Variants in FN1 observed in about 807,000 individuals in gnomAD.
The protein encoded by FN1 is fibronectin.
In FN1, 106 loss-of-function variants were observed where a neutral mutation model predicts 297.3. The observed-to-expected ratio is 0.36, with a 90% CI of 0.30 to 0.42. FN1 has a LOEUF of 0.42. Ranked by LOEUF, FN1 falls within the 10% of genes least tolerant of loss-of-function variation. The probability of loss-of-function intolerance (pLI) is 1.00; values close to 1 mark genes in which losing one functional copy is unlikely to be tolerated. For synonymous variants in FN1, 1,149 were observed against 1,152.6 expected (o/e 1.00, Z 0.06); for missense variants, 2,690 against 3,124.9 (o/e 0.86, Z 3.32).
In FN1 at chr2:215,393,214, A is replaced by G; in HGVS notation, c.3797-11T>C. On this transcript the variant is annotated splice_polypyrimidine_tract_variant and intron_variant, in intron 24 of 45. Transcript: ENST00000354785. ...TGAGTTGGGGCACCTCTATTGAGTT[A>G]CAAAGCAAAGGGAGGGGGAGGCAAA... 6.2e-7 allele frequency: 1 copy of G among 1,610,384 alleles called. No individual in the cohort carries two copies. The highest frequency in any genetic ancestry group is 2.2e-5 in the East Asian group (1 of 44,826).
chr2:215,404,452 C>T lies in FN1; in HGVS notation c.3190G>A (p.Val1064Ile), dbSNP rs142401055. Residue 1064 changes from valine (V) to isoleucine (I), a missense_variant, in exon 20 of 46, where the codon GTA (valine) becomes ATA (isoleucine). Physicochemically the swap from Val to Ile is conservative, Grantham distance 29. Coordinates refer to ENST00000354785, the MANE Select transcript of FN1 (RefSeq NM_212482.4). ...RNLQPASEYTVSLVAIKGNQE... is the reference protein window; with the variant it reads ...RNLQPASEYTISLVAIKGNQE... ...TTGCCCTTTATGGCCACGAGGGATA[C>T]GGTGTACTCAGATGCAGGCTGCAGA... 7.5e-4 allele frequency: 1,213 copies of T among 1,613,910 alleles called. 1 individual carries two copies. The highest frequency in any genetic ancestry group is 1.0e-3 in the Non-Finnish European group (1,177 of 1,179,958).
chr2:215,364,619 G>T, intron 44 of FN1: 1 of 552,864 alleles, frequency 1.8e-6, no homozygotes, highest in South Asian at 2.1e-5. Flanking sequence ...TATTAAGAAT[G>T]ACTCAAGACT....
At chr2:215,434,427 A>T (rs751938608) in intron 2 of FN1, among the ~76,000 whole-genome samples, 1 of 152,212 alleles carries the variant, frequency 6.6e-6, no homozygotes, top group Non-Finnish European at 1.5e-5. Flanking sequence ...GTCGGAGGAC[A>T]CACAAAATCT....
Position 215,395,937 on chromosome 2 carries a change from C to CA in FN1, c.3604+1199dup, listed in dbSNP as rs2060260210. On this transcript the variant is annotated intron_variant, in intron 23 of 45. Transcript: ENST00000354785. The stretch of plus-strand genomic sequence containing the variant: ...TTAAAGTTTCAAATTCAGAGCAACT[C>CA]AGCTGGAAATTGTATAGCTTTGGCT... 2.0e-5 allele frequency among the ~76,000 whole-genome samples: 3 copies of CA among 152,190 alleles called. No homozygotes were observed. In the South Asian group the frequency reaches 6.2e-4, roughly 31 times the overall value.
At position 215,406,613 on chromosome 2, in the gene FN1, C is replaced by G. The variant is rs547806878; in HGVS notation, c.2714-103G>C. On this transcript the variant is annotated intron_variant, in intron 18 of 45. Coordinates refer to ENST00000354785, the MANE Select transcript of FN1 (RefSeq NM_212482.4). Reference sequence around the variant, plus strand: ...TAGGCAGTTCATTGAGCCTCTCATTCGAGAGTTTTGCTAAGTTTTGTCTCT... The same window carrying G: ...TAGGCAGTTCATTGAGCCTCTCATTGGAGAGTTTTGCTAAGTTTTGTCTCT... 536 of 1,258,262 alleles carry G rather than the reference C, an allele frequency of 4.3e-4. 11 individuals carry two copies. In the South Asian group the frequency reaches 6.5e-3, roughly 15 times the overall value. 77.9% of individuals were successfully genotyped at this position (1,258,262 alleles called of 1,614,324 possible).
chr2:215,408,948 C>T (rs2062173914), intron 15 of FN1, among the ~76,000 whole-genome samples: 1 of 152,146 alleles, frequency 6.6e-6, no homozygotes, highest in African/African-American at 2.4e-5. Context: ...TTCTTCCTTT[C>T]ATTTTTCCAA....
chr2:215,392,746 C>T, intron 25 of FN1, 185 bp downstream of exon 25: 1 of 660,574 alleles, frequency 1.5e-6, no homozygotes, highest in Non-Finnish European at 2.7e-6. Context: ...CTGAAGAATA[C>T]TTGCATGTGT....
intron 34 of FN1, 96 bp from the exon 35 acceptor site, chr2:215,378,358 TAAA>T (rs1449249606): frequency 1.4e-5 from 10 of 734,286 alleles, no homozygotes; most frequent in Non-Finnish European, 2.2e-5. Flanking sequence ...GGTTAGAAAA[TAAA>T]AAATAAACAA....
At chr2:215,377,379 T>C (rs1418409428) in intron 35 of FN1, among the ~76,000 whole-genome samples, 1 of 152,142 alleles carries the variant, frequency 6.6e-6, no homozygotes, top group Non-Finnish European at 1.5e-5. Context: ...GTTTGGATCA[T>C]GGGGGCAGAT....
chr2:215,383,320 A>T lies in FN1; in HGVS notation c.5050+8T>A. On this transcript the variant is annotated splice_region_variant and intron_variant, in intron 31 of 45. Coordinates refer to ENST00000354785, the MANE Select transcript of FN1 (RefSeq NM_212482.4). ...ACCGCACCTGGCCGAGATGCAGATG[A>T]TTCTTACCTGGACCTGCAGTTTTAG... The T allele has an allele frequency of 1.2e-6, 2 of 1,614,032 alleles. No homozygotes were observed. The highest frequency in any genetic ancestry group is 8.5e-7 in the Non-Finnish European group (1 of 1,179,950).
chr2:215,370,567 A>AAAAAAAAAAAAGAGGG (rs2055780973), intron 40 of FN1, 135 bp from the exon 41 acceptor site: 1 of 785,418 alleles, frequency 1.3e-6, no homozygotes, highest in African/African-American at 1.8e-5. Flanking sequence ...AAAAAAAAAA[A>AAAAAAAAAAAAGAGGG]AGAGGGAGGG....
At chr2:215,370,988 G>A (rs941652965) in intron 40 of FN1, among the ~76,000 whole-genome samples, 10 of 152,288 alleles carry the variant, frequency 6.6e-5, no homozygotes, top group South Asian at 4.1e-4. Context: ...TCAGTGGGCC[G>A]GGTGTAGTGG....
In FN1 at chr2:215,434,774, G is replaced by T. The variant is rs112643151; in HGVS notation, c.199C>A (p.Arg67=). ...KHYQINQQWE[R]TYLGNALVCT... ...ACCAACGCATTGCCTAGGTAGGTCC[G>T]CTCCCACTGTTGATTTATCTGATAG... The change falls in exon 2 of 46, where the codon CGG becomes AGG. Residue 67 remains arginine, a synonymous_variant. Coordinates refer to ENST00000354785, the MANE Select transcript of FN1 (RefSeq NM_212482.4). 1,430 of 1,613,804 alleles carry T rather than the reference G, an allele frequency of 8.9e-4. 15 individuals carry two copies. In the African/African-American group the frequency reaches 0.016, roughly 19 times the overall value.
At position 215,399,310 on chromosome 2, in the gene FN1, T is replaced by A; in HGVS notation, c.3295A>T (p.Thr1099Ser). ...CATGTGATCACAATGGTGGTCTCAG[T>A]CACCTCGGTGTTGTAAGGTGGAATA... ...SSIPPYNTEV[T>S]ETTIVITWTP... The change falls in exon 21 of 46, where the codon ACT becomes TCT. Residue 1099 changes from threonine to serine, a missense_variant. Thr to Ser is a moderately conservative substitution (Grantham distance 58). Coordinates refer to ENST00000354785, the MANE Select transcript of FN1 (RefSeq NM_212482.4). The A allele has an allele frequency of 6.2e-7, 1 of 1,614,066 alleles. No homozygotes were observed. Among genetic ancestry groups the A allele is most frequent in the Non-Finnish European group, 8.5e-7 (1 of 1,179,932 alleles).
At chr2:215,432,558 T>C (rs552532687) in intron 3 of FN1, among the ~76,000 whole-genome samples, 3 of 152,302 alleles carry the variant, frequency 2.0e-5, no homozygotes, top group East Asian at 1.9e-4. Context: ...AACCCTAACA[T>C]GAAATATGGG....
chr2:215,434,440 C>A (rs1396970639), intron 2 of FN1, among the ~76,000 whole-genome samples: 2 of 151,998 alleles, frequency 1.3e-5, no homozygotes, highest in Non-Finnish European at 2.9e-5. Context: ...CAAAATCTTT[C>A]ATTTTTCTCA....
chr2:215,420,300 T>C (rs1456809376), intron 11 of FN1, among the ~76,000 whole-genome samples: 1 of 150,732 alleles, frequency 6.6e-6, no homozygotes, highest in Non-Finnish European at 1.5e-5. Context: ...GATTGTGCCA[T>C]ACACTCCAGC....
intron 12 of FN1, 44 bp from the exon 13 acceptor site, chr2:215,415,002 CACTT>C: frequency 5.3e-6 from 8 of 1,498,788 alleles, no homozygotes; most frequent in Non-Finnish European, 7.4e-6. Context: ...AATATTCACT[CACTT>C]CAACTTAAAA....
chr2:215,414,954 T>G lies in FN1; in HGVS notation c.1824A>C (p.Ser608=), dbSNP rs2063231496. Residue 608 remains serine, a synonymous_variant, in exon 13 of 46, where the codon TCA becomes TCC. Coordinates refer to ENST00000354785, the MANE Select transcript of FN1 (RefSeq NM_212482.4). The part of the protein sequence containing the change: ...HCQPLQTYPS[S]SGPVEVFITE... ...TGATAAATACTTCGACAGGACCACT[T>G]GAGCCTGAAAATGAAAATGTAGCAT... is the stretch of plus-strand genomic sequence containing the variant. 3.7e-6 allele frequency: 6 copies of G among 1,613,284 alleles called. No individual in the cohort carries two copies. The highest frequency in any genetic ancestry group is 5.1e-6 in the Non-Finnish European group (6 of 1,179,326).
Sources: gnomAD v4.1 joint callset for allele counts (sites outside exome capture counted in the v4.1 genomes callset) on GRCh38, gnomAD v4.1.1 for gene constraint, MANE v1.5 for transcripts, NCBI Gene and HGNC (gene_info 2026-07-23, HGNC 2026-07-21) for gene names.